The following EFCAB11 variants were observed in gnomAD, a reference collection of about 807,000 sequenced individuals.
EFCAB11 encodes the protein EF-hand calcium binding domain 11.
Under a neutral mutation model 23.0 loss-of-function variants are expected in EFCAB11, and 14 were observed. The ratio of observed to expected loss-of-function variants is 0.61; its 90% confidence interval spans 0.40 to 0.95. The LOEUF is 0.95. Ranked by LOEUF, EFCAB11 falls within the 40% of genes least tolerant of loss-of-function variation. EFCAB11 has a pLI of 0.00. For synonymous variants in EFCAB11, 65 were observed against 66.6 expected (o/e 0.98, Z 0.11); for missense variants, 198 against 195.8 (o/e 1.01, Z -0.07).
intron 5 of EFCAB11, among the ~76,000 whole-genome samples, chr14:89,919,829 A>C (rs920558324): frequency 2.0e-5 from 3 of 152,148 alleles, no homozygotes; most frequent in Non-Finnish European, 4.4e-5. Context: ...TAGTGGATTT[A>C]ATCACTGCTT....
At chr14:89,910,076 C>A (rs1245784072) in intron 5 of EFCAB11, among the ~76,000 whole-genome samples, 2 of 152,218 alleles carry the variant, frequency 1.3e-5, no homozygotes, top group African/African-American at 4.8e-5. Flanking sequence ...AAGGGCAGAG[C>A]AGTTTCTATC....
intron 3 of EFCAB11, among the ~76,000 whole-genome samples, chr14:89,935,133 T>C (rs1237659297): frequency 2.0e-5 from 3 of 152,154 alleles, no homozygotes; most frequent in Non-Finnish European, 4.4e-5. Context: ...CTAAGTCCTT[T>C]TTCTGTGACC....
chr14:89,823,161 C>T (rs1031515306), intron 5 of EFCAB11, among the ~76,000 whole-genome samples: 22 of 152,072 alleles, frequency 1.4e-4, no homozygotes, highest in Non-Finnish European at 2.4e-4. Context: ...CGAAGAGACT[C>T]AAAGCCCAAG....
At chr14:89,877,187 G>A (rs1291759841) in intron 5 of EFCAB11, among the ~76,000 whole-genome samples, 3 of 152,088 alleles carry the variant, frequency 2.0e-5, no homozygotes, top group Admixed American at 2.0e-4. Context: ...TTATAGGTGT[G>A]TGCCACCACA....
Position 89,861,645 on chromosome 14 carries a change from C to A in EFCAB11, c.411-64321G>T, listed in dbSNP as rs115942692. Among the ~76,000 whole-genome samples the A allele has an allele frequency of 4.1e-3, 623 of 152,254 alleles. 7 individuals are homozygous for A. Among genetic ancestry groups the A allele is most frequent in the African/African-American group, 0.014 (598 of 41,526 alleles). On this transcript the variant is annotated intron_variant, in intron 5 of 5. Transcript: ENST00000316738. The stretch of plus-strand genomic sequence containing the variant: ...GAAACTTAATCCCCAAATTTATAAA[C>A]TGATTAGGAATGTGGTCTTTTGGAG...
intron 5 of EFCAB11, among the ~76,000 whole-genome samples, chr14:89,819,634 G>T (rs1467378457): frequency 6.6e-6 from 1 of 151,954 alleles, no homozygotes; most frequent in Non-Finnish European, 1.5e-5. Flanking sequence ...ATGGGGTCTT[G>T]CTGTGTTGCC....
intron 5 of EFCAB11, among the ~76,000 whole-genome samples, chr14:89,896,525 C>T (rs1490097175): frequency 6.6e-6 from 1 of 152,150 alleles, no homozygotes; most frequent in African/African-American, 2.4e-5. Context: ...TCTAAGTAAA[C>T]ATTCGTGTAC....
intron 5 of EFCAB11, among the ~76,000 whole-genome samples, chr14:89,907,833 G>C (rs1195830136): frequency 6.6e-6 from 1 of 152,162 alleles, no homozygotes. Flanking sequence ...GCAGTTAATG[G>C]GATCTTAGCT....
chr14:89,934,485 G>A (rs763745402), intron 3 of EFCAB11, among the ~76,000 whole-genome samples: 1 of 152,172 alleles, frequency 6.6e-6, no homozygotes, highest in Non-Finnish European at 1.5e-5. Flanking sequence ...ATGAAGAGTT[G>A]CCATTCAGCT....
chr14:89,871,306 C>A (rs564576732), intron 5 of EFCAB11, among the ~76,000 whole-genome samples: 19 of 152,254 alleles, frequency 1.2e-4, no homozygotes, highest in African/African-American at 4.3e-4. Context: ...CTATGGAAAT[C>A]ATAAATTTCC....
intron 5 of EFCAB11, among the ~76,000 whole-genome samples, chr14:89,871,223 C>T (rs1329267580): frequency 6.6e-6 from 1 of 152,156 alleles, no homozygotes; most frequent in African/African-American, 2.4e-5. Flanking sequence ...TCTCACCATG[C>T]TTCCCTAACA....
At chr14:89,913,342 T>A (rs2139771735) in intron 5 of EFCAB11, among the ~76,000 whole-genome samples, 1 of 152,342 alleles carries the variant, frequency 6.6e-6, no homozygotes, top group South Asian at 2.1e-4. Context: ...CTACTGAAAA[T>A]GGCTCATTGT....
At chr14:89,928,185 G>T (rs559091341) in intron 5 of EFCAB11, among the ~76,000 whole-genome samples, 2 of 152,214 alleles carry the variant, frequency 1.3e-5, no homozygotes, top group East Asian at 3.9e-4. Flanking sequence ...TACAAGATTT[G>T]TGGGCATATA....
chr14:89,953,233 T>C (rs2139853599), intron 2 of EFCAB11, among the ~76,000 whole-genome samples: 1 of 151,114 alleles, frequency 6.6e-6, no homozygotes, highest in East Asian at 1.9e-4. Context: ...CCCACCTATA[T>C]AACCCCAGAC....
At chr14:89,874,038 A>G (rs2140166563) in intron 5 of EFCAB11, among the ~76,000 whole-genome samples, 1 of 152,304 alleles carries the variant, frequency 6.6e-6, no homozygotes, top group Non-Finnish European at 1.5e-5. Context: ...GAGGTTCTCC[A>G]TGAGGGCTCT....
intron 5 of EFCAB11, among the ~76,000 whole-genome samples, chr14:89,915,988 T>C (rs1889827694): frequency 6.6e-6 from 1 of 152,024 alleles, no homozygotes; most frequent in Non-Finnish European, 1.5e-5. Flanking sequence ...ATCCTTCCTG[T>C]TTAATTGAGC....
At position 89,941,447 on chromosome 14, in the gene EFCAB11, A is replaced by G. The variant is rs559841906; in HGVS notation, c.217+8650T>C. 4.7e-4 allele frequency among the ~76,000 whole-genome samples: 71 copies of G among 152,242 alleles called. 1 individual carries two copies. The South Asian group carries it at 8.1e-3, about 17-fold the overall frequency. ...TAAAAATCAAAGGAAGGGCTCATCAATTGGTTAAGAGGGTGAGCTAGAAGG... is the reference window on the plus strand; with the variant it reads ...TAAAAATCAAAGGAAGGGCTCATCAGTTGGTTAAGAGGGTGAGCTAGAAGG... On this transcript the variant is annotated intron_variant, in intron 3 of 5. Coordinates refer to ENST00000316738, the MANE Select transcript of EFCAB11 (RefSeq NM_145231.4).
intron 5 of EFCAB11, among the ~76,000 whole-genome samples, chr14:89,884,137 T>C (rs778828922): frequency 6.6e-6 from 1 of 152,002 alleles, no homozygotes; most frequent in Non-Finnish European, 1.5e-5. Flanking sequence ...TAAAAAATAA[T>C]AAGAAAACAG....
rs1187855268 is a variant in EFCAB11, at chr14:89,923,189, G to A, written c.410+8352C>T. ...TTCCTCCATTTCTAAAGTTCATACT[G>A]GTAAAAAGAGACAATCAAAATCAAT... On this transcript the variant is annotated intron_variant, in intron 5 of 5. Coordinates refer to ENST00000316738, the MANE Select transcript of EFCAB11 (RefSeq NM_145231.4). 5 of 152,154 alleles carry A rather than the reference G, an allele frequency of 3.3e-5. No homozygotes were observed. The East Asian group carries it at 9.6e-4, about 29-fold the overall frequency. 9.4% of individuals were successfully genotyped at this position (152,154 alleles called of 1,614,324 possible).
Sources: allele counts gnomAD v4.1 joint callset (sites outside exome capture counted in the v4.1 genomes callset), GRCh38; gene constraint gnomAD v4.1.1; transcripts MANE v1.5; gene names NCBI Gene and HGNC (gene_info 2026-07-23, HGNC 2026-07-21).